The following STON1 variants were observed in gnomAD, a reference collection of about 807,000 sequenced individuals.
STON1 encodes the protein stonin 1, also known as stonin-1.
Under a neutral mutation model 60.9 loss-of-function variants are expected in STON1, and 79 were observed. That is an observed-to-expected ratio of 1.30 (90% CI 1.08 to 1.56). The LOEUF (loss-of-function observed/expected upper bound fraction) is 1.56, where lower values mean the gene tolerates loss of function less well. Among genes scored for constraint, STON1 ranks in the 40% most tolerant of loss-of-function variants. STON1 has a pLI of 0.00. For synonymous variants in STON1, 363 were observed against 306.9 expected (o/e 1.18, Z -1.91); for missense variants, 1,166 against 858.9 (o/e 1.36, Z -4.47).
chr2:48,574,342 C>G (rs1456877197), intron 1 of STON1, among the ~76,000 whole-genome samples: 2 of 150,660 alleles, frequency 1.3e-5, no homozygotes, highest in Non-Finnish European at 2.9e-5. Flanking sequence ...TGCCACTGCA[C>G]TCCAACCTGA....
At chr2:48,594,860 G>A (rs1674712298) in intron 3 of STON1, among the ~76,000 whole-genome samples, 1 of 152,198 alleles carries the variant, frequency 6.6e-6, no homozygotes, top group Admixed American at 6.5e-5. Flanking sequence ...GGGGGCCAAT[G>A]GCTAGATACA....
chr2:48,546,830 T>C (rs1000754185), intron 1 of STON1, among the ~76,000 whole-genome samples: 19 of 152,188 alleles, frequency 1.2e-4, no homozygotes, highest in Non-Finnish European at 5.9e-5. Context: ...CCTCCCAAAA[T>C]GTGGGGATTA....
intron 1 of STON1, among the ~76,000 whole-genome samples, chr2:48,540,381 C>CT (rs1318741549): frequency 1.3e-5 from 2 of 152,172 alleles, no homozygotes; most frequent in Non-Finnish European, 2.9e-5. Flanking sequence ...AGGCAGGACT[C>CT]TAATGTTCCG....
At chr2:48,535,234 G>GA (rs372351296) in intron 1 of STON1, among the ~76,000 whole-genome samples, 26 of 146,662 alleles carry the variant, frequency 1.8e-4, no homozygotes, top group East Asian at 6.0e-4. Context: ...ATAAGAAAGA[G>GA]AAAAAAAAAA....
chr2:48,553,392 A>C (rs1237093606), intron 1 of STON1, among the ~76,000 whole-genome samples: 25 of 128,112 alleles, frequency 2.0e-4, no homozygotes, highest in South Asian at 5.2e-4. Flanking sequence ...TTCCCTTCCC[A>C]TCCCGTCCCA....
In STON1 at chr2:48,552,910, G is replaced by A. The variant is rs966568563; in HGVS notation, c.-48+22694G>A. 1.3e-5 allele frequency among the ~76,000 whole-genome samples: 2 copies of A among 152,210 alleles called. 1 individual carries two copies. Among genetic ancestry groups the A allele is most frequent in the Admixed American group, 1.3e-4 (2 of 15,280 alleles). ...AATATTTTCTCTTCTGGTTCTATGG[G>A]TTGACTGGGCTCAGCTGAGTGGTTC... On this transcript the variant is annotated intron_variant, in intron 1 of 3. Transcript: ENST00000404752.
chr2:48,555,291 C>CTCCT (rs1672279978), intron 1 of STON1, among the ~76,000 whole-genome samples: 1 of 91,670 alleles, frequency 1.1e-5, no homozygotes. Context: ...CCTCACCTCC[C>CTCCT]GGACGGGGCG....
intron 2 of STON1, among the ~76,000 whole-genome samples, chr2:48,583,113 G>C (rs779045853): frequency 2.8e-4 from 43 of 152,130 alleles, no homozygotes; most frequent in Non-Finnish European, 4.6e-4. Context: ...TTTTGACATG[G>C]CATCTCACTC....
intron 3 of STON1, 60 bp from the exon 4 acceptor site, chr2:48,595,168 G>C (rs1454645836): frequency 1.5e-6 from 2 of 1,293,632 alleles, no homozygotes; most frequent in African/African-American, 2.9e-5. Flanking sequence ...TAGGACTGAA[G>C]AGGTGTGAGT....
intron 3 of STON1, among the ~76,000 whole-genome samples, chr2:48,592,741 G>A (rs945496691): frequency 7.2e-5 from 11 of 152,042 alleles, no homozygotes; most frequent in South Asian, 4.2e-4. Flanking sequence ...GATTACAGGC[G>A]TAAGCCACCA....
intron 1 of STON1, among the ~76,000 whole-genome samples, chr2:48,547,007 G>C (rs1248536247): frequency 1.3e-5 from 2 of 152,176 alleles, no homozygotes; most frequent in South Asian, 4.1e-4. Flanking sequence ...TTTCTGTTGA[G>C]TCAAATAAAG....
Position 48,581,820 on chromosome 2 carries a change from A to G in STON1, c.1187A>G (p.Glu396Gly). The G allele has an allele frequency of 6.2e-7, 1 of 1,614,190 alleles. No homozygotes were observed. The highest frequency in any genetic ancestry group is 8.5e-7 in the Non-Finnish European group (1 of 1,180,050). The change falls in exon 2 of 4, where the codon GAG (glutamate) becomes GGG (glycine). Residue 396 changes from glutamate (E) to glycine (G), a missense_variant. Physicochemically the swap from Glu to Gly is moderately conservative, Grantham distance 98. Coordinates refer to ENST00000404752, the MANE Select transcript of STON1 (RefSeq NM_006873.4). Reference sequence around the variant, plus strand: ...GACTTTCTGACTACTGTGGAGGAGGAGCTGATGAAGTTGCCAGCTGTTTCA... The same window carrying G: ...GACTTTCTGACTACTGTGGAGGAGGGGCTGATGAAGTTGCCAGCTGTTTCA... ...FLDFLTTVEEELMKLPAVSKP... is the reference protein window; with the variant it reads ...FLDFLTTVEEGLMKLPAVSKP...
At chr2:48,569,327 A>G (rs750808924) in intron 1 of STON1, among the ~76,000 whole-genome samples, 8 of 152,218 alleles carry the variant, frequency 5.3e-5, no homozygotes, top group Non-Finnish European at 1.2e-4. Flanking sequence ...CAGTAGAGAG[A>G]TTTAATTTGT....
rs573117159 is a variant in STON1, at chr2:48,538,700, C to G, written c.-48+8484C>G. On this transcript the variant is annotated intron_variant, in intron 1 of 3. Transcript: ENST00000404752. ...GCAACCTCTACTTCCAGGGTTCAAA[C>G]AATTCTGTTGCCTCAGCCTCCCGAG... Among the ~76,000 whole-genome samples the G allele has an allele frequency of 8.4e-4, 126 of 149,152 alleles. 1 individual carries two copies. The highest frequency in any genetic ancestry group is 3.0e-3 in the African/African-American group (121 of 40,656).
rs746603007 is a variant in STON1 at position 48,580,946 on chromosome 2, A to G, written c.313A>G (p.Ile105Val). 4 of 1,594,384 alleles carry G rather than the reference A, an allele frequency of 2.5e-6. No homozygotes were observed. Among genetic ancestry groups the G allele is most frequent in the Non-Finnish European group, 3.4e-6 (4 of 1,172,794 alleles). ...AGCAGGGACTCATGTGCTTTATCCT[A>G]TTCCAGAATCATCTTCAGACAGCCC... is the stretch of plus-strand genomic sequence containing the variant. ...PKAGTHVLYPIPESSSDSPLA... is the reference protein window; with the variant it reads ...PKAGTHVLYPVPESSSDSPLA... The change falls in exon 2 of 4, where the codon ATT becomes GTT. Residue 105 changes from isoleucine to valine, a missense_variant. By Grantham distance (29) the Ile-to-Val change is conservative. Coordinates refer to ENST00000404752, the MANE Select transcript of STON1 (RefSeq NM_006873.4).
intron 1 of STON1, among the ~76,000 whole-genome samples, chr2:48,555,312 CGG>C (rs562013562): frequency 0.011 from 128 of 11,680 alleles, 3 homozygotes; most frequent in Admixed American, 0.015. Flanking sequence ...GCTGGCCGGG[CGG>C]GGGGGGCTGA....
At chr2:48,534,944 C>A (rs1448567909) in intron 1 of STON1, among the ~76,000 whole-genome samples, 2 of 152,208 alleles carry the variant, frequency 1.3e-5, no homozygotes, top group African/African-American at 4.8e-5. Context: ...TGCAAACCAG[C>A]TCCACTCACA....
At chr2:48,591,626 T>A (rs761110546) in intron 2 of STON1, 27 bp from the exon 3 acceptor site, 1 of 1,609,686 alleles carries the variant, frequency 6.2e-7, no homozygotes, top group South Asian at 1.1e-5. Context: ...TAAAATACTT[T>A]GACTATTTGA....
intron 1 of STON1, among the ~76,000 whole-genome samples, chr2:48,553,365 T>TCTTCCCTTCC (rs938150551): frequency 1.3e-5 from 2 of 150,032 alleles, no homozygotes; most frequent in African/African-American, 2.5e-5. Flanking sequence ...CCTTCCCTTC[T>TCTTCCCTTCC]CTTCCCTTCC....
Sources: allele counts gnomAD v4.1 joint callset (sites outside exome capture counted in the v4.1 genomes callset), GRCh38; gene constraint gnomAD v4.1.1; transcripts MANE v1.5; gene names NCBI Gene and HGNC (gene_info 2026-07-23, HGNC 2026-07-21).